CYFIP1: variants seen among roughly 807,000 people sequenced by gnomAD.
CYFIP1 encodes the protein cytoplasmic FMR1 interacting protein 1.
Under a neutral mutation model 163.5 loss-of-function variants are expected in CYFIP1, and 58 were observed. The observed-to-expected ratio is 0.35, with a 90% CI of 0.29 to 0.44. CYFIP1 has a LOEUF of 0.44. CYFIP1 is among the 20% of genes least tolerant of loss of function. The pLI, the probability that CYFIP1 is intolerant of heterozygous loss-of-function variation, is 1.00. For synonymous variants in CYFIP1, 663 were observed against 660.7 expected (o/e 1.00, Z -0.05); for missense variants, 1,338 against 1,653.8 (o/e 0.81, Z 3.31).
chr15:22,872,796 T>C (rs999842), intron 30 of CYFIP1, 29 bp downstream of exon 30: 890,539 of 1,608,006 alleles, frequency 0.55, 249,610 homozygotes, highest in East Asian at 0.6. Flanking sequence ...AAAAGGTCCA[T>C]AGATGGTGCG....
In CYFIP1 at chr15:22,976,951, G is replaced by C. The variant is rs535986121; in HGVS notation, c.-7+3336C>G. On this transcript the variant is annotated intron_variant, in intron 1 of 30. Coordinates refer to ENST00000617928, the MANE Select transcript of CYFIP1 (RefSeq NM_014608.6). ...CCGGTGGCTCACGCCTATAATCCTA[G>C]CACTTTGGGAGGCCGAGGCAGGCGG... Among the ~76,000 whole-genome samples, 523 of 152,270 alleles carry C rather than the reference G, an allele frequency of 3.4e-3. 6 individuals are homozygous for C. Among genetic ancestry groups the C allele is most frequent in the African/African-American group, 0.012 (505 of 41,570 alleles).
intron 21 of CYFIP1, 58 bp downstream of exon 21, chr15:22,909,136 C>G: frequency 1.2e-6 from 2 of 1,603,186 alleles, no homozygotes; most frequent in Non-Finnish European, 1.7e-6. Context: ...ATCATCTATA[C>G]AAGAACTGGA....
At position 22,916,550 on chromosome 15, in the gene CYFIP1, C is replaced by T. The variant is rs1038803493; in HGVS notation, c.1755G>A (p.Glu585=). 2.5e-6 allele frequency: 4 copies of T among 1,614,012 alleles called. No homozygotes were observed. In the Admixed American group the frequency reaches 6.7e-5, roughly 27 times the overall value. ...TTTCTATGTCCAATATGGTGGGCCC[C>T]TCAAGGCTACTTCTCAAGGTTTTCT... is the stretch of plus-strand genomic sequence containing the variant. ...GSKKTLRSSL[E]GPTILDIEKF... is the part of the protein sequence containing the mutation. The change falls in exon 16 of 31, where the codon GAG becomes GAA. Residue 585 remains glutamate (E), a synonymous_variant. Coordinates refer to ENST00000617928, the MANE Select transcript of CYFIP1 (RefSeq NM_014608.6).
chr15:22,976,586 A>G (rs936271684), intron 1 of CYFIP1, among the ~76,000 whole-genome samples: 51 of 152,374 alleles, frequency 3.3e-4, no homozygotes, highest in African/African-American at 1.2e-3. Context: ...AGGTGAGTGC[A>G]TACAAAAAGA....
chr15:22,955,604 A>C (rs563612602), intron 1 of CYFIP1, among the ~76,000 whole-genome samples: 1 of 152,284 alleles, frequency 6.6e-6, no homozygotes, highest in African/African-American at 2.4e-5. Flanking sequence ...TGGAGACAGC[A>C]GGCCAAGGGG....
At chr15:22,963,162 G>A (rs1427877247) in intron 1 of CYFIP1, among the ~76,000 whole-genome samples, 1 of 152,110 alleles carries the variant, frequency 6.6e-6, no homozygotes, top group Non-Finnish European at 1.5e-5. Context: ...TGTGTTCTTT[G>A]TCCTATTTTT....
At chr15:22,913,944 G>A (rs1432336891) in intron 17 of CYFIP1, among the ~76,000 whole-genome samples, 2 of 152,214 alleles carry the variant, frequency 1.3e-5, no homozygotes, top group African/African-American at 4.8e-5. Flanking sequence ...AAGGAACTCA[G>A]GGGCTTCCCA....
rs2060474985 is a variant in CYFIP1 at position 22,903,687 on chromosome 15, G to C, written c.2588+19C>G. The C allele has an allele frequency of 6.2e-7, 1 of 1,612,772 alleles. No homozygotes were observed. The highest frequency in any genetic ancestry group is 8.5e-7 in the Non-Finnish European group (1 of 1,179,784). On this transcript the variant is annotated intron_variant, in intron 22 of 30. Transcript: ENST00000617928. ...CTGAGCGCCTCGCCTGTGGGCGCCT[G>C]TGTGGCGGGCACGCTCACCGGTTGG...
At chr15:22,939,555 TTTAA>T in intron 6 of CYFIP1, 48 bp from the exon 7 acceptor site, 1 of 434,704 alleles carries the variant, frequency 2.3e-6, no homozygotes, top group Non-Finnish European at 3.7e-6. Flanking sequence ...ACGTGCCACA[TTTAA>T]AAAAAAAAAA....
intron 8 of CYFIP1, among the ~76,000 whole-genome samples, chr15:22,937,866 A>G (rs1406634626): frequency 1.3e-5 from 2 of 152,112 alleles, no homozygotes; most frequent in Non-Finnish European, 2.9e-5. Flanking sequence ...CAACTCCCAA[A>G]GTGCTGGGAT....
At chr15:22,961,142 C>T (rs1324461582) in intron 1 of CYFIP1, among the ~76,000 whole-genome samples, 1 of 152,094 alleles carries the variant, frequency 6.6e-6, no homozygotes, top group African/African-American at 2.4e-5. Context: ...CTGCCTCAGC[C>T]TCCCGAGAAG....
chr15:22,941,945 G>C (rs1000864745), intron 6 of CYFIP1, among the ~76,000 whole-genome samples: 1 of 152,252 alleles, frequency 6.6e-6, no homozygotes, highest in South Asian at 2.1e-4. Flanking sequence ...TGGATTGGGC[G>C]GCTGGGACCA....
chr15:22,923,090 T>C (rs1053835953), intron 13 of CYFIP1, among the ~76,000 whole-genome samples: 6 of 151,828 alleles, frequency 4.0e-5, no homozygotes, highest in Admixed American at 1.3e-4. Context: ...ACCAAAAGCA[T>C]AAGCAACGAA....
In CYFIP1 at chr15:22,910,816, G is replaced by C; in HGVS notation, c.2083-3C>G. On this transcript the variant is annotated splice_polypyrimidine_tract_variant and splice_region_variant and intron_variant, in intron 18 of 30. Transcript: ENST00000617928. ...AATTGGTCAAAACATAGATTCACCT[G>C]AAGAAAAAGAAAGCACACGTTACAG... 1 of 1,611,408 alleles carries C rather than the reference G, an allele frequency of 6.2e-7. No homozygotes were observed. The highest frequency in any genetic ancestry group is 1.1e-5 in the South Asian group (1 of 90,832).
chr15:22,878,276 G>A (rs1020330968), intron 26 of CYFIP1, among the ~76,000 whole-genome samples: 3 of 152,068 alleles, frequency 2.0e-5, no homozygotes, highest in African/African-American at 7.2e-5. Flanking sequence ...CGCGGCAAGT[G>A]GGGACTCGAG....
intron 30 of CYFIP1, among the ~76,000 whole-genome samples, chr15:22,870,890 C>T (rs1351638111): frequency 6.6e-6 from 1 of 152,150 alleles, no homozygotes; most frequent in African/African-American, 2.4e-5. Context: ...CCTCCTGCTA[C>T]CACAGGAATA....
At chr15:22,876,831 TA>T (rs11409746) in intron 26 of CYFIP1, among the ~76,000 whole-genome samples, 10 of 147,994 alleles carry the variant, frequency 6.8e-5, no homozygotes, top group Middle Eastern at 3.4e-3. Context: ...AACTCCAGTC[TA>T]AAAAAAAAAA....
chr15:22,880,092 C>A (rs1306923606), intron 25 of CYFIP1, 49 bp from the exon 26 acceptor site: 7 of 1,609,230 alleles, frequency 4.3e-6, no homozygotes, highest in Non-Finnish European at 5.9e-6. Flanking sequence ...GGGGGCCGGG[C>A]CCTAGCAGCC....
At chr15:22,884,121 T>G (rs932654306) in intron 23 of CYFIP1, among the ~76,000 whole-genome samples, 14 of 176 alleles carry the variant, frequency 0.08, no homozygotes, top group Non-Finnish European at 0.1. Context: ...AGATGAGATT[T>G]GGGTGGGGGA....
Sources: gnomAD v4.1 joint callset for allele counts (sites outside exome capture counted in the v4.1 genomes callset) on GRCh38, gnomAD v4.1.1 for gene constraint, MANE v1.5 for transcripts, NCBI Gene and HGNC (gene_info 2026-07-23, HGNC 2026-07-21) for gene names.